Variants in METTL16 observed in about 807,000 individuals in gnomAD.
METTL16 encodes the protein methyltransferase 16, RNA N6-adenosine.
METTL16 carries 19 observed loss-of-function variants against 57.9 expected under a neutral mutation model. The ratio of observed to expected loss-of-function variants is 0.33; its 90% confidence interval spans 0.23 to 0.48. The LOEUF (loss-of-function observed/expected upper bound fraction) is 0.48, where lower values mean the gene tolerates loss of function less well. METTL16 is among the 20% of genes least tolerant of loss of function. METTL16 has a pLI of 0.99. For missense variants in METTL16, 434 were observed against 691.5 expected (o/e 0.63, Z 4.18); for synonymous variants, 246 against 255.6 (o/e 0.96, Z 0.36).
chr17:2,422,800 A>G (rs112455401), intron 8 of METTL16, among the ~76,000 whole-genome samples: 3 of 151,160 alleles, frequency 2.0e-5, no homozygotes, highest in East Asian at 2.0e-4. Flanking sequence ...CCTGGCCAAC[A>G]TGGTGAAACC....
intron 2 of METTL16, among the ~76,000 whole-genome samples, chr17:2,478,412 T>TA (rs2067281817): frequency 6.6e-6 from 1 of 152,202 alleles, no homozygotes; most frequent in South Asian, 2.1e-4. Context: ...AAATGTTTAA[T>TA]ATGAACACAG....
chr17:2,490,710 GAT>G (rs1447697283), intron 2 of METTL16, among the ~76,000 whole-genome samples: 1 of 152,178 alleles, frequency 6.6e-6, no homozygotes, highest in Non-Finnish European at 1.5e-5. Flanking sequence ...ATCACCAAAA[GAT>G]AGTGCTGCAG....
At chr17:2,450,043 G>T (rs1387070929) in intron 6 of METTL16, among the ~76,000 whole-genome samples, 1 of 152,184 alleles carries the variant, frequency 6.6e-6, no homozygotes, top group Non-Finnish European at 1.5e-5. Flanking sequence ...AATGTAAAAT[G>T]CTGTATAGTC....
intron 6 of METTL16, among the ~76,000 whole-genome samples, chr17:2,449,040 G>C (rs1212111636): frequency 6.7e-6 from 1 of 148,432 alleles, no homozygotes; most frequent in Non-Finnish European, 1.5e-5. Flanking sequence ...AAAAAAAAAA[G>C]TAAAATACTA....
At chr17:2,432,534 A>G (rs1597440705) in intron 8 of METTL16, among the ~76,000 whole-genome samples, 1 of 152,208 alleles carries the variant, frequency 6.6e-6, no homozygotes, top group South Asian at 2.1e-4. Flanking sequence ...GCGCCAATAC[A>G]TTCCAGCCTT....
At chr17:2,485,975 CA>C (rs2067338265) in intron 2 of METTL16, among the ~76,000 whole-genome samples, 1 of 152,066 alleles carries the variant, frequency 6.6e-6, no homozygotes, top group South Asian at 2.1e-4. Flanking sequence ...GAAAAATTCA[CA>C]AAGGAAGGAA....
intron 8 of METTL16, among the ~76,000 whole-genome samples, chr17:2,435,112 T>C (rs2066900224): frequency 7.0e-6 from 1 of 142,402 alleles, no homozygotes; most frequent in South Asian, 2.2e-4. Flanking sequence ...CAAAATTCTA[T>C]CAACATTAGG....
At chr17:2,481,010 T>C (rs1014013709) in intron 2 of METTL16, among the ~76,000 whole-genome samples, 5 of 152,082 alleles carry the variant, frequency 3.3e-5, no homozygotes, top group Admixed American at 2.0e-4. Flanking sequence ...CAAGACCAGC[T>C]TGGCCAACAT....
At chr17:2,469,669 T>C (rs557862796) in intron 4 of METTL16, among the ~76,000 whole-genome samples, 1 of 152,228 alleles carries the variant, frequency 6.6e-6, no homozygotes, top group African/African-American at 2.4e-5. Context: ...GGATTACAGA[T>C]GCCCATCACC....
In METTL16 at chr17:2,417,092, G is replaced by T; in HGVS notation, c.*2878C>A. ...TTTTTTTTTTTTTTTTTTTGAGACA[G>T]TCCCACTTTGTCGCCCAGGCTGTAG... On this transcript the variant is annotated 3_prime_UTR_variant, in exon 10 of 10. Coordinates refer to ENST00000263092, the MANE Select transcript of METTL16 (RefSeq NM_024086.4). The T allele has an allele frequency of 4.3e-5, 1 of 23,418 alleles. No individual in the cohort carries two copies. Among genetic ancestry groups the T allele is most frequent in the South Asian group, 2.9e-3 (1 of 344 alleles). The allele number at this position is 23,418 out of a possible 1,614,324, so 1.5% of individuals were successfully genotyped here.
At chr17:2,501,548 A>G (rs1189633473) in intron 2 of METTL16, among the ~76,000 whole-genome samples, 1 of 152,184 alleles carries the variant, frequency 6.6e-6, no homozygotes, top group Non-Finnish European at 1.5e-5. Flanking sequence ...CTCACATCAA[A>G]ATAAACACAC....
chr17:2,495,564 G>A (rs773295619), intron 2 of METTL16, among the ~76,000 whole-genome samples: 2 of 151,264 alleles, frequency 1.3e-5, no homozygotes, highest in African/African-American at 4.9e-5. Context: ...GTGTGGTTGT[G>A]CGCACCTGTA....
intron 8 of METTL16, among the ~76,000 whole-genome samples, chr17:2,425,250 A>G (rs1010927878): frequency 6.6e-6 from 1 of 152,228 alleles, no homozygotes; most frequent in Non-Finnish European, 1.5e-5. Flanking sequence ...TAATATCCTT[A>G]TAATTGCAAA....
intron 6 of METTL16, among the ~76,000 whole-genome samples, chr17:2,461,800 A>C (rs2067151881): frequency 1.3e-5 from 2 of 152,118 alleles, no homozygotes; most frequent in African/African-American, 4.8e-5. Context: ...GCTGGTCTCC[A>C]ACTCCTGACC....
chr17:2,447,239 T>C (rs2067006059), intron 6 of METTL16, among the ~76,000 whole-genome samples: 1 of 145,730 alleles, frequency 6.9e-6, no homozygotes, highest in South Asian at 2.3e-4. Flanking sequence ...CGCCGCCCTG[T>C]CTGGGATGTG....
At chr17:2,459,385 C>G (rs2067132777) in intron 6 of METTL16, among the ~76,000 whole-genome samples, 2 of 152,152 alleles carry the variant, frequency 1.3e-5, no homozygotes, top group Admixed American at 1.3e-4. Flanking sequence ...CCTTAAGATA[C>G]AAAACAAAAC....
intron 6 of METTL16, among the ~76,000 whole-genome samples, chr17:2,459,586 T>C (rs2067134777): frequency 6.6e-6 from 1 of 152,192 alleles, no homozygotes; most frequent in Admixed American, 6.5e-5. Context: ...AAGAAACAGA[T>C]GGTAGGGTTA....
rs1237262466 is a variant in METTL16, at chr17:2,417,389, G to T, written c.*2581C>A. The T allele has an allele frequency of 6.6e-6, 1 of 151,932 alleles. No individual in the cohort carries two copies. The highest frequency in any genetic ancestry group is 2.4e-5 in the African/African-American group (1 of 41,340). 9.4% of individuals were successfully genotyped at this position (151,932 alleles called of 1,614,324 possible). ...GGTCACGGATTTTTTAAAACTCTAA[G>T]GTCATTAGCTTGACATCTATAAAAT... On this transcript the variant is annotated 3_prime_UTR_variant, in exon 10 of 10. Transcript: ENST00000263092.
At chr17:2,498,014 G>A in intron 2 of METTL16, among the ~76,000 whole-genome samples, 1 of 151,694 alleles carries the variant, frequency 6.6e-6, no homozygotes, top group Non-Finnish European at 1.5e-5. Flanking sequence ...CTAACACGGT[G>A]AAACCCCATC....
Sources: allele counts gnomAD v4.1 joint callset (sites outside exome capture counted in the v4.1 genomes callset), GRCh38; gene constraint gnomAD v4.1.1; transcripts MANE v1.5; gene names NCBI Gene and HGNC (gene_info 2026-07-23, HGNC 2026-07-21).